The following ZNF282 variants were observed in gnomAD, a reference collection of about 807,000 sequenced individuals.
ZNF282 encodes zinc finger protein 282.
ZNF282 carries 30 observed loss-of-function variants against 61.9 expected under a neutral mutation model. The ratio of observed to expected loss-of-function variants is 0.48; its 90% CI spans 0.36 to 0.66. The LOEUF is 0.66. Among genes scored for constraint, ZNF282 ranks in the 30% least tolerant of loss-of-function variants. ZNF282 has a pLI of 0.00. For missense variants in ZNF282, 788 were observed against 941.4 expected, an observed-to-expected ratio of 0.84 and a Z score of 2.13; for synonymous variants, 396 against 405.0, an observed-to-expected ratio of 0.98 and a Z score of 0.27.
intron 7 of ZNF282, among the ~76,000 whole-genome samples, chr7:149,216,138 G>A (rs1033616457): frequency 3.9e-5 from 6 of 152,214 alleles, no homozygotes; most frequent in East Asian, 1.9e-4. Flanking sequence ...TCACTCTGCC[G>A]CTCAGGCTGG....
chr7:149,209,196 T>C (rs1165387476), intron 4 of ZNF282, among the ~76,000 whole-genome samples: 3 of 140,352 alleles, frequency 2.1e-5, no homozygotes. Context: ...CGGGCGCCTG[T>C]AGTCAGTCCC....
chr7:149,209,997 C>G (rs1239306852), intron 4 of ZNF282, among the ~76,000 whole-genome samples: 1 of 152,206 alleles, frequency 6.6e-6, no homozygotes, highest in Non-Finnish European at 1.5e-5. Context: ...TGTCATTTCA[C>G]TTGAACTCAC....
Position 149,207,479 on chromosome 7 carries a change from A to G in ZNF282, c.832+9A>G, listed in dbSNP as rs1474726898. On this transcript the variant is annotated intron_variant, in intron 4 of 7. Transcript: ENST00000610704. ...AATGGATCCCGAAGCAGGTGATGGC[A>G]GCAGAAGAGAGTGCGGGGTCCAGGG... The G allele has an allele frequency of 1.3e-6, 2 of 1,558,382 alleles. No homozygotes were observed. Among genetic ancestry groups the G allele is most frequent in the Non-Finnish European group, 1.7e-6 (2 of 1,150,338 alleles).
rs1364668506 is a variant in ZNF282, at chr7:149,198,716, G to A, written c.549G>A (p.Leu183=). 1.2e-6 allele frequency: 2 copies of A among 1,613,736 alleles called. No homozygotes were observed. Among genetic ancestry groups the A allele is most frequent in the Non-Finnish European group, 1.7e-6 (2 of 1,179,920 alleles). The change falls in exon 2 of 8, where the codon CTG becomes CTA. Residue 183 remains leucine (L), a synonymous_variant. Coordinates refer to ENST00000610704, the MANE Select transcript of ZNF282 (RefSeq NM_003575.4). The surrounding 1 kb of genome is among the most constrained non-coding windows in gnomAD (Gnocchi z 4.3). ...TGCGCAACAGGAACTTCTGGGTCCT[G>A]CGGCTGCCCCCGGGCAGCAAGGGGG... ...NLLRNRNFWV[L]RLPPGSKGEA...
intron 2 of ZNF282, among the ~76,000 whole-genome samples, chr7:149,205,624 C>G (rs1047738764): frequency 6.6e-6 from 1 of 152,004 alleles, no homozygotes; most frequent in African/African-American, 2.4e-5. Flanking sequence ...AGACATCGCA[C>G]CTGCGCATGG....
chr7:149,200,851 C>T (rs756610272), intron 2 of ZNF282, among the ~76,000 whole-genome samples: 46 of 152,154 alleles, frequency 3.0e-4, no homozygotes, highest in Non-Finnish European at 5.4e-4. Flanking sequence ...CCTGCCTGGG[C>T]CTCCCAAAGT....
rs774711442 is a variant in ZNF282, at chr7:149,224,213, G to C, written c.1582G>C (p.Gly528Arg). The C allele has an allele frequency of 6.2e-7, 1 of 1,604,372 alleles. No homozygotes were observed. Among genetic ancestry groups the C allele is most frequent in the Non-Finnish European group, 8.5e-7 (1 of 1,178,438 alleles). Reference sequence around the variant, plus strand: ...GTGCCCCGAGTGCGGCAAGAGCTTCGGCGTGCGCAAGAGCCTCATCATCCA... The same window carrying C: ...GTGCCCCGAGTGCGGCAAGAGCTTCCGCGTGCGCAAGAGCCTCATCATCCA... ...YSCPECGKSF[G>R]VRKSLIIHHR... Residue 528 changes from glycine to arginine, a missense_variant, in exon 8 of 8, where the codon GGC (glycine) becomes CGC (arginine). Around this residue, in one of 3 missense-constraint regions of ZNF282, gnomAD observed 559 missense variants for 642.0 expected, o/e 0.87. Coordinates refer to ENST00000610704, the MANE Select transcript of ZNF282 (RefSeq NM_003575.4).
At chr7:149,219,782 G>GGTTGCAGTGAGCAGAGATT (rs1294203923) in intron 7 of ZNF282, among the ~76,000 whole-genome samples, 1 of 152,186 alleles carries the variant, frequency 6.6e-6, no homozygotes, top group Non-Finnish European at 1.5e-5. Context: ...GGGAGGTGGA[G>GGTTGCAGTGAGCAGAGATT]GTTGCAGTGA....
chr7:149,207,074 A>G (rs1796002844), intron 3 of ZNF282, among the ~76,000 whole-genome samples: 1 of 152,210 alleles, frequency 6.6e-6, no homozygotes, highest in South Asian at 2.1e-4. Flanking sequence ...ACAGTAAAAC[A>G]GCACCATTCG....
intron 5 of ZNF282, 179 bp from the exon 6 acceptor site, chr7:149,212,179 A>G (rs1359073792): frequency 9.8e-6 from 5 of 508,136 alleles, no homozygotes; most frequent in Non-Finnish European, 1.7e-5. Flanking sequence ...ATTTGCAGCA[A>G]AAGCTCCGTT....
intron 4 of ZNF282, among the ~76,000 whole-genome samples, chr7:149,209,315 CAA>C (rs534333126): frequency 2.1e-5 from 3 of 140,358 alleles, no homozygotes; most frequent in African/African-American, 5.2e-5. Flanking sequence ...GATTCCGTCT[CAA>C]AAAAAAAAAA....
intron 2 of ZNF282, among the ~76,000 whole-genome samples, chr7:149,202,088 C>G (rs1795920316): frequency 6.6e-6 from 1 of 151,954 alleles, no homozygotes; most frequent in East Asian, 1.9e-4. Flanking sequence ...TCTCCCTGCC[C>G]TTACTCGAAT....
chr7:149,222,071 G>C (rs963591254), intron 7 of ZNF282, among the ~76,000 whole-genome samples: 1 of 151,702 alleles, frequency 6.6e-6, no homozygotes, highest in South Asian at 2.1e-4. Context: ...CCACTGGGCT[G>C]GGGGACAGGG....
At chr7:149,210,007 C>G (rs764468834) in intron 4 of ZNF282, among the ~76,000 whole-genome samples, 1 of 152,232 alleles carries the variant, frequency 6.6e-6, no homozygotes, top group Non-Finnish European at 1.5e-5. Context: ...CTTGAACTCA[C>G]TGTTTCCAAG....
chr7:149,218,419 G>A (rs1054417254), intron 7 of ZNF282, among the ~76,000 whole-genome samples: 2 of 152,182 alleles, frequency 1.3e-5, no homozygotes, highest in African/African-American at 4.8e-5. Context: ...TGGTAGTACT[G>A]TTTGCTGAAG....
At chr7:149,218,532 A>G (rs575844782) in intron 7 of ZNF282, among the ~76,000 whole-genome samples, 55 of 152,314 alleles carry the variant, frequency 3.6e-4, no homozygotes, top group African/African-American at 1.3e-3. Context: ...GTAGCAGATC[A>G]AGTAGGTGAA....
At chr7:149,209,567 T>G (rs1796049386) in intron 4 of ZNF282, among the ~76,000 whole-genome samples, 1 of 152,174 alleles carries the variant, frequency 6.6e-6, no homozygotes, top group Admixed American at 6.5e-5. Flanking sequence ...ACAGTTTCAG[T>G]TGGTTATCAA....
chr7:149,215,677 G>A (rs181043807), intron 7 of ZNF282, among the ~76,000 whole-genome samples: 1 of 152,310 alleles, frequency 6.6e-6, no homozygotes, highest in Non-Finnish European at 1.5e-5. Context: ...TAGGAACAAT[G>A]TATGTCCTTA....
rs1796342431 is a variant in ZNF282 at position 149,224,889 on chromosome 7, G to A, written c.*242G>A. 5 of 660,172 alleles carry A rather than the reference G, an allele frequency of 7.6e-6. No individual in the cohort carries two copies. Among genetic ancestry groups the A allele is most frequent in the Middle Eastern group, 4.3e-4 (1 of 2,304 alleles). 40.9% of individuals were successfully genotyped at this position (660,172 alleles called of 1,614,324 possible). ...CCAGGGGGACCGCGAGGAGCCGAGCGTCCTCGGGCACCGCCCTCACACCTC... is the reference window on the plus strand; with the variant it reads ...CCAGGGGGACCGCGAGGAGCCGAGCATCCTCGGGCACCGCCCTCACACCTC... On this transcript the variant is annotated 3_prime_UTR_variant, in exon 8 of 8. Transcript: ENST00000610704.
Sources: allele counts gnomAD v4.1 joint callset (sites outside exome capture counted in the v4.1 genomes callset), GRCh38; gene constraint gnomAD v4.1.1; regional missense constraint gnomAD v4.1.1; non-coding constraint Gnocchi (gnomAD v3.1); transcripts MANE v1.5; gene names NCBI Gene and HGNC (gene_info 2026-07-23, HGNC 2026-07-21).